Variants in DNAH6 observed in about 807,000 individuals in gnomAD.
The protein encoded by DNAH6 is dynein axonemal heavy chain 6.
In DNAH6, 340 loss-of-function variants were observed where a neutral mutation model predicts 491.4. The ratio of observed to expected loss-of-function variants is 0.69; its 90% CI spans 0.63 to 0.76. DNAH6 has a LOEUF of 0.76. DNAH6 is among the 30% of genes least tolerant of loss of function. The pLI is 0.00. For missense variants in DNAH6, 4,443 were observed against 4,972.2 expected (o/e 0.89, Z 3.20); for synonymous variants, 1,603 against 1,686.1 (o/e 0.95, Z 1.21).
chr2:84,817,557 C>G (rs1359094505), intron 76 of DNAH6, among the ~76,000 whole-genome samples: 7 of 151,716 alleles, frequency 4.6e-5, no homozygotes, highest in Non-Finnish European at 7.4e-5. Context: ...CACTTGAGCC[C>G]AAGAGTTCAA....
chr2:84,795,524 C>G (rs1157698295), intron 68 of DNAH6, among the ~76,000 whole-genome samples: 2 of 151,976 alleles, frequency 1.3e-5, no homozygotes, highest in African/African-American at 4.8e-5. Flanking sequence ...TTCTTCCTGA[C>G]ATGATGGAAG....
the DNAH6 span, among the ~76,000 whole-genome samples, chr2:84,503,221 A>T: frequency 6.6e-6 from 1 of 152,098 alleles, no homozygotes; most frequent in Admixed American, 6.6e-5. Context: ...TGTTAACCTG[A>T]TAACAACTTA....
At chr2:84,634,246 G>A (rs1212292649) in intron 29 of DNAH6, among the ~76,000 whole-genome samples, 2 of 152,134 alleles carry the variant, frequency 1.3e-5, no homozygotes, top group East Asian at 3.8e-4. Context: ...GTGAGTGGAG[G>A]TTATAAACAA....
chr2:84,745,210 C>G lies in DNAH6; in HGVS notation c.10473C>G (p.Phe3491Leu). The G allele has an allele frequency of 2.0e-6, 3 of 1,537,722 alleles. No homozygotes were observed. Among genetic ancestry groups the G allele is most frequent in the Non-Finnish European group, 2.6e-6 (3 of 1,142,118 alleles). Reference sequence around the variant, plus strand: ...CATGGAGTGCAGGATTGAGTTCTTTCCATAAGCTAATTCTTATTAAATGTT... The same window carrying G: ...CATGGAGTGCAGGATTGAGTTCTTTGCATAAGCTAATTCTTATTAAATGTT... The part of the protein sequence containing the change: ...QDPWSAGLSS[F>L]HKLILIKCCK... The change falls in exon 63 of 77, where the codon TTC becomes TTG. Residue 3491 changes from phenylalanine (F) to leucine (L), a missense_variant. By Grantham distance (22) the Phe-to-Leu change is conservative. This residue lies in a region of DNAH6 where 1,463 missense variants were observed against 1,656.6 expected (regional missense o/e 0.88). Coordinates refer to ENST00000389394, the MANE Select transcript of DNAH6 (RefSeq NM_001370.2).
intron 4 of DNAH6, among the ~76,000 whole-genome samples, chr2:84,540,702 GAC>G (rs1678163369): frequency 6.6e-6 from 1 of 152,100 alleles, no homozygotes; most frequent in South Asian, 2.1e-4. Flanking sequence ...TCTCAAATGG[GAC>G]ACACATACTT....
chr2:84,757,672 A>G (rs1674177133), intron 63 of DNAH6, among the ~76,000 whole-genome samples: 3 of 152,228 alleles, frequency 2.0e-5, no homozygotes, highest in African/African-American at 4.8e-5. Flanking sequence ...TTAATACACT[A>G]TTGTAAACAG....
chr2:84,510,511 G>T, the DNAH6 span, among the ~76,000 whole-genome samples: 2 of 152,062 alleles, frequency 1.3e-5, no homozygotes, highest in African/African-American at 4.8e-5. Context: ...TCTTTGCCAT[G>T]GGTTCGAACT....
At chr2:84,713,897 G>A (rs1697283544) in intron 57 of DNAH6, among the ~76,000 whole-genome samples, 1 of 152,178 alleles carries the variant, frequency 6.6e-6, no homozygotes, top group African/African-American at 2.4e-5. Context: ...TAGATTCTTT[G>A]AGTGGAGCTG....
upstream of DNAH6, among the ~76,000 whole-genome samples, chr2:84,512,068 G>GT (rs1404229139): frequency 2.0e-5 from 3 of 152,156 alleles, no homozygotes; most frequent in East Asian, 3.9e-4. Context: ...AGTGTTTTCT[G>GT]TTTTTTTGGG....
intron 40 of DNAH6, among the ~76,000 whole-genome samples, chr2:84,674,385 TTCTG>T (rs1034213570): frequency 6.6e-6 from 1 of 152,164 alleles, no homozygotes; most frequent in African/African-American, 2.4e-5. Context: ...GTAGAGCACT[TTCTG>T]TCTATCAAAA....
chr2:84,708,425 G>A lies in DNAH6; in HGVS notation c.9048+709G>A, dbSNP rs373812317. ...GCGCCATTGCACTCCAGCCTGAGCA[G>A]CAAGAGCAAAACTCTGAAGAAAGAA... On this transcript the variant is annotated intron_variant, in intron 54 of 76. Transcript: ENST00000389394. Among the ~76,000 whole-genome samples the A allele has an allele frequency of 1.2e-4, 15 of 124,972 alleles. No homozygotes were observed. The East Asian group carries it at 4.1e-3, about 34-fold the overall frequency. 82.0% of individuals were successfully genotyped at this position (124,972 alleles called of 152,430 possible). A position where few individuals can be genotyped will look rare whatever the true frequency, so the allele number is the denominator to read the frequency against.
In DNAH6 at chr2:84,762,797, A is replaced by G; in HGVS notation, c.10555A>G (p.Lys3519Glu). The G allele has an allele frequency of 1.3e-6, 2 of 1,551,016 alleles. No homozygotes were observed. Among genetic ancestry groups the G allele is most frequent in the Non-Finnish European group, 1.7e-6 (2 of 1,146,692 alleles). ...LTDFVIENLG[K>E]QFIETPPVDL... ...AGACTTTGTGATAGAAAATCTTGGAAAACAGTTTATAGAGACACCACCTGT... is the reference window on the plus strand; with the variant it reads ...AGACTTTGTGATAGAAAATCTTGGAGAACAGTTTATAGAGACACCACCTGT... Residue 3519 changes from lysine (K) to glutamate (E), a missense_variant, in exon 64 of 77, where the codon AAA becomes GAA. Physicochemically the swap from Lys to Glu is moderately conservative, Grantham distance 56. Transcript: ENST00000389394.
chr2:84,638,865 G>C (rs1198262370), intron 31 of DNAH6, among the ~76,000 whole-genome samples: 2 of 152,070 alleles, frequency 1.3e-5, no homozygotes, highest in African/African-American at 4.8e-5. Flanking sequence ...GTGGGAGCAG[G>C]CACTGTGCAT....
chr2:84,725,462 T>C (rs1207815213), intron 60 of DNAH6, among the ~76,000 whole-genome samples: 1 of 152,206 alleles, frequency 6.6e-6, no homozygotes, highest in Non-Finnish European at 1.5e-5. Flanking sequence ...GGTTCTTATA[T>C]CTCTGCTCCC....
chr2:84,482,313 C>A, the DNAH6 span, among the ~76,000 whole-genome samples: 1 of 152,190 alleles, frequency 6.6e-6, no homozygotes, highest in East Asian at 1.9e-4. Context: ...TGGCAAATGT[C>A]AGTTCTCTTT....
At chr2:84,526,823 A>G (rs987358937) in intron 3 of DNAH6, among the ~76,000 whole-genome samples, 1 of 152,184 alleles carries the variant, frequency 6.6e-6, no homozygotes, top group Non-Finnish European at 1.5e-5. Context: ...GAGCCAGGAA[A>G]GATTTAATTG....
chr2:84,706,011 C>G (rs1696392558), intron 52 of DNAH6, among the ~76,000 whole-genome samples: 1 of 152,118 alleles, frequency 6.6e-6, no homozygotes. Flanking sequence ...CTTTAAGGTA[C>G]TTTTTAGCTC....
chr2:84,735,583 T>G (rs1265871770), intron 62 of DNAH6, among the ~76,000 whole-genome samples: 1 of 152,184 alleles, frequency 6.6e-6, no homozygotes, highest in Non-Finnish European at 1.5e-5. Context: ...ATAATAGCCT[T>G]TCTGATTGGT....
intron 41 of DNAH6, among the ~76,000 whole-genome samples, chr2:84,679,552 A>G (rs1237421280): frequency 7.2e-5 from 11 of 152,256 alleles, no homozygotes; most frequent in Admixed American, 5.9e-4. Context: ...TAATGTGCTT[A>G]TGCCAAAGAA....
Sources: gnomAD v4.1 joint callset for allele counts (sites outside exome capture counted in the v4.1 genomes callset) on GRCh38, gnomAD v4.1.1 for gene constraint, gnomAD v4.1.1 regional missense constraint, MANE v1.5 for transcripts, NCBI Gene and HGNC (gene_info 2026-07-23, HGNC 2026-07-21) for gene names.